Variants in XYLT1 observed in about 807,000 individuals in gnomAD.
XYLT1 encodes xylosyltransferase 1.
XYLT1 carries 36 observed loss-of-function variants against 91.3 expected under a neutral mutation model. That is an observed-to-expected ratio of 0.39 (90% CI 0.30 to 0.52). The LOEUF is 0.52. Among genes scored for constraint, XYLT1 ranks in the 20% least tolerant of loss-of-function variants. The pLI is 0.68. For missense variants in XYLT1, 1,242 were observed against 1,284.5 expected, an observed-to-expected ratio of 0.97 and a Z score of 0.51; for synonymous variants, 588 against 532.0, an observed-to-expected ratio of 1.11 and a Z score of -1.45.
Position 17,197,014 on chromosome 16 carries a change from A to ATAT in XYLT1, c.1289+1197_1289+1198insATA, listed in dbSNP as rs1597184723. On this transcript the variant is annotated intron_variant, in intron 5 of 11. Transcript: ENST00000261381. ...TGACAGAGCGAGACTCTGTCTCCAA[A>ATAT]ATATATATATATATATAGATATATA... Among the ~76,000 whole-genome samples the ATAT allele has an allele frequency of 2.7e-3, 301 of 110,508 alleles. 9 individuals carry two copies. Among genetic ancestry groups the ATAT allele is most frequent in the African/African-American group, 0.013 (291 of 22,312 alleles). The allele number at this position is 110,508 out of a possible 152,430, so 72.5% of individuals were successfully genotyped here.
At chr16:17,393,463 C>T (rs1402175932) in intron 1 of XYLT1, among the ~76,000 whole-genome samples, 1 of 152,176 alleles carries the variant, frequency 6.6e-6, no homozygotes, top group African/African-American at 2.4e-5. Flanking sequence ...CACCCTCCCA[C>T]TCTTCACAGT....
chr16:17,388,559 A>T lies in XYLT1; in HGVS notation c.364-30509T>A, dbSNP rs560532988. ...CTGCAAAATGGAGACCAGCATACTTAATATGAACAGTTAAAGAAAAAACTA... is the reference window on the plus strand; with the variant it reads ...CTGCAAAATGGAGACCAGCATACTTTATATGAACAGTTAAAGAAAAAACTA... On this transcript the variant is annotated intron_variant, in intron 1 of 11. Transcript: ENST00000261381. 1.1e-4 allele frequency among the ~76,000 whole-genome samples: 17 copies of T among 152,292 alleles called. No individual in the cohort carries two copies. The South Asian group carries it at 3.5e-3, about 32-fold the overall frequency.
intron 2 of XYLT1, among the ~76,000 whole-genome samples, chr16:17,314,435 C>G (rs1336869977): frequency 6.6e-6 from 1 of 152,148 alleles, no homozygotes; most frequent in African/African-American, 2.4e-5. Context: ...GATTCCAGGT[C>G]CTAGAATATG....
intron 2 of XYLT1, among the ~76,000 whole-genome samples, chr16:17,261,021 G>C (rs1213831017): frequency 1.3e-5 from 2 of 152,088 alleles, no homozygotes; most frequent in Non-Finnish European, 2.9e-5. Flanking sequence ...ATCACTTGAG[G>C]TGAGGAGTTT....
chr16:17,437,547 T>A, intron 1 of XYLT1, among the ~76,000 whole-genome samples: 1 of 152,162 alleles, frequency 6.6e-6, no homozygotes. Context: ...CACTTGTATC[T>A]ACATTGCAAT....
intron 1 of XYLT1, among the ~76,000 whole-genome samples, chr16:17,371,335 T>C (rs2035529558): frequency 6.6e-6 from 1 of 152,234 alleles, no homozygotes; most frequent in Non-Finnish European, 1.5e-5. Context: ...AAATTCTTGC[T>C]GAACCAAAAT....
intron 1 of XYLT1, among the ~76,000 whole-genome samples, chr16:17,409,174 A>G (rs1438411673): frequency 2.0e-5 from 3 of 152,232 alleles, no homozygotes; most frequent in Admixed American, 2.0e-4. Flanking sequence ...GACGCTAGAA[A>G]GAGTAACAGG....
intron 3 of XYLT1, among the ~76,000 whole-genome samples, chr16:17,201,748 T>C (rs2032547707): frequency 6.6e-6 from 1 of 152,178 alleles, no homozygotes. Context: ...AGTGCTGGGA[T>C]TACAGACGTG....
intron 7 of XYLT1, 94 bp from the exon 8 acceptor site, chr16:17,138,625 GTAAGAACTGGTTGTT>G (rs762065068): frequency 7.2e-4 from 1,024 of 1,419,954 alleles, no homozygotes; most frequent in Non-Finnish European, 8.8e-4. Flanking sequence ...CTGAGTTCAT[GTAAGAACTGGTTGTT>G]TAAAAGAATG....
chr16:17,204,870 C>T (rs1199770396), intron 3 of XYLT1, among the ~76,000 whole-genome samples: 1 of 146,608 alleles, frequency 6.8e-6, no homozygotes, highest in Admixed American at 7.2e-5. Flanking sequence ...CTTTCAGCTG[C>T]AGGACAGATA....
intron 2 of XYLT1, among the ~76,000 whole-genome samples, chr16:17,301,276 G>T (rs1258169878): frequency 1.3e-5 from 2 of 152,026 alleles, no homozygotes; most frequent in African/African-American, 2.4e-5. Context: ...CAGGCATGGT[G>T]GCGGGCGCCT....
intron 1 of XYLT1, among the ~76,000 whole-genome samples, chr16:17,425,853 C>T (rs1169438802): frequency 1.3e-5 from 2 of 152,144 alleles, no homozygotes; most frequent in African/African-American, 4.8e-5. Flanking sequence ...TCAGATGGCG[C>T]TCCCTCCAAG....
intron 2 of XYLT1, among the ~76,000 whole-genome samples, chr16:17,304,709 C>A (rs1016513930): frequency 3.9e-5 from 6 of 152,080 alleles, no homozygotes; most frequent in African/African-American, 1.4e-4. Context: ...ACCAAAGTTG[C>A]TGGACCAGTT....
chr16:17,395,177 T>C (rs2035868089), intron 1 of XYLT1, among the ~76,000 whole-genome samples: 1 of 152,016 alleles, frequency 6.6e-6, no homozygotes, highest in African/African-American at 2.4e-5. Context: ...TTTTAAAGCA[T>C]CAGATCTCAT....
chr16:17,412,164 G>A (rs2036117819), intron 1 of XYLT1, among the ~76,000 whole-genome samples: 1 of 152,004 alleles, frequency 6.6e-6, no homozygotes, highest in Non-Finnish European at 1.5e-5. Flanking sequence ...CCCCAAAATG[G>A]CCCCCAAAAA....
chr16:17,261,383 C>T (rs2033720336), intron 2 of XYLT1, among the ~76,000 whole-genome samples: 1 of 152,084 alleles, frequency 6.6e-6, no homozygotes, highest in Non-Finnish European at 1.5e-5. Flanking sequence ...ACTGCTATGA[C>T]TTTCATTTTG....
At chr16:17,409,652 T>C (rs1223551727) in intron 1 of XYLT1, among the ~76,000 whole-genome samples, 1 of 150,778 alleles carries the variant, frequency 6.6e-6, no homozygotes, top group East Asian at 1.9e-4. Context: ...CGGGTTCATG[T>C]GGTTCTCCTG....
chr16:17,217,351 C>A (rs1052637327), intron 3 of XYLT1, among the ~76,000 whole-genome samples: 3 of 152,154 alleles, frequency 2.0e-5, no homozygotes, highest in African/African-American at 7.2e-5. Context: ...AAAATTCAAG[C>A]ATACAGAACA....
intron 3 of XYLT1, among the ~76,000 whole-genome samples, chr16:17,217,176 C>T (rs545765490): frequency 6.6e-5 from 10 of 152,208 alleles, no homozygotes; most frequent in African/African-American, 2.2e-4. Context: ...AGCCTCAGGC[C>T]GGGGCTCTGA....
Sources: allele counts gnomAD v4.1 joint callset (sites outside exome capture counted in the v4.1 genomes callset), GRCh38; gene constraint gnomAD v4.1.1; transcripts MANE v1.5; gene names NCBI Gene and HGNC (gene_info 2026-07-23, HGNC 2026-07-21).